The following ZFHX3 variants were observed in gnomAD, a reference collection of about 807,000 sequenced individuals.
The protein encoded by ZFHX3 is zinc finger homeobox protein 3.
A neutral mutation model predicts 279.1 loss-of-function variants in ZFHX3; 42 were observed. The ratio of observed to expected loss-of-function variants is 0.15; its 90% CI spans 0.12 to 0.19. The LOEUF (loss-of-function observed/expected upper bound fraction) is 0.19. ZFHX3 is among the 10% of genes least tolerant of loss of function. ZFHX3 has a pLI of 1.00. For missense variants in ZFHX3, 4,981 were observed against 4,754.0 expected (o/e 1.05, Z -1.40); for synonymous variants, 2,293 against 1,957.8 (o/e 1.17, Z -4.52).
At chr16:73,277,392 C>T (rs1223070243) in intron 4 of ZFHX3, among the ~76,000 whole-genome samples, 1 of 152,206 alleles carries the variant, frequency 6.6e-6, no homozygotes, top group Non-Finnish European at 1.5e-5. Flanking sequence ...CAGGGCCAGG[C>T]TCCCTGGATT....
rs1344909710 is a variant in ZFHX3 at position 73,784,808 on chromosome 16, T to TACAC, written c.-1607-104569_-1607-104568insGTGT. On this transcript the variant is annotated intron_variant, in intron 1 of 17. Coordinates refer to the ZFHX3 transcript ENST00000641206. ...AAATAAAAAAAAAAATATATATATA[T>TACAC]ATATATATACACACACACACACACA... Among the ~76,000 whole-genome samples the TACAC allele has an allele frequency of 6.6e-4, 89 of 135,696 alleles. 1 individual carries two copies. The highest frequency in any genetic ancestry group is 2.4e-3 in the African/African-American group (83 of 35,248). The allele number at this position is 135,696 out of a possible 152,430, so 89.0% of individuals were successfully genotyped here. A position where few individuals can be genotyped will look rare whatever the true frequency, so the allele number is the denominator to read the frequency against.
At chr16:73,200,135 C>T (rs1042348289) in intron 5 of ZFHX3, among the ~76,000 whole-genome samples, 3 of 151,820 alleles carry the variant, frequency 2.0e-5, no homozygotes, top group African/African-American at 4.8e-5. Context: ...TAAAACATAC[C>T]AGTGTTATGA....
intron 2 of ZFHX3, chr16:73,486,773 C>T (rs149876080): frequency 1.1e-5 from 5 of 455,680 alleles, no homozygotes; most frequent in East Asian, 7.0e-5. Context: ...TTGCTTTTAT[C>T]TGCAAATGTT....
intron 6 of ZFHX3, among the ~76,000 whole-genome samples, chr16:73,139,952 A>G (rs962259225): frequency 6.6e-6 from 1 of 152,148 alleles, no homozygotes; most frequent in South Asian, 2.1e-4. Flanking sequence ...TTCTTCCACA[A>G]ACCCCTAGTG....
At chr16:72,803,049 C>T (rs1039521997) in intron 7 of ZFHX3, among the ~76,000 whole-genome samples, 7 of 152,142 alleles carry the variant, frequency 4.6e-5, no homozygotes, top group Admixed American at 3.9e-4. Flanking sequence ...ACCCAGCTGT[C>T]GGCCGGGTGC....
In ZFHX3 at chr16:73,296,978, T is replaced by C. The variant is rs193135935; in HGVS notation, c.-1194+21262A>G. 3.4e-5 allele frequency among the ~76,000 whole-genome samples: 5 copies of C among 147,472 alleles called. 1 individual carries two copies. The highest frequency in any genetic ancestry group is 7.4e-5 in the Non-Finnish European group (5 of 67,592). On this transcript the variant is annotated intron_variant, in intron 4 of 17. Coordinates refer to the ZFHX3 transcript ENST00000641206. ...ACTGCAACTCTGCCTCCCAGGTTCA[T>C]GCCATTCTCCTGCCTCAGCCTCCCT...
At chr16:72,869,433 T>C (rs1231625445) in intron 4 of ZFHX3, among the ~76,000 whole-genome samples, 1 of 152,206 alleles carries the variant, frequency 6.6e-6, no homozygotes, top group African/African-American at 2.4e-5. Context: ...TTTATCATAA[T>C]ACCAACTTTC....
intron 5 of ZFHX3, among the ~76,000 whole-genome samples, chr16:73,146,443 AG>A (rs1966863881): frequency 1.3e-5 from 2 of 151,596 alleles, no homozygotes; most frequent in South Asian, 4.2e-4. Flanking sequence ...AAAAAAAAAA[AG>A]ATCTTCTGAA....
At chr16:73,804,239 C>A (rs1236432096) in intron 1 of ZFHX3, among the ~76,000 whole-genome samples, 1 of 152,140 alleles carries the variant, frequency 6.6e-6, no homozygotes, top group Non-Finnish European at 1.5e-5. Flanking sequence ...CATTAGTTAC[C>A]TTCTATACAC....
At chr16:73,673,503 G>C (rs2052924107) in intron 2 of ZFHX3, among the ~76,000 whole-genome samples, 1 of 152,000 alleles carries the variant, frequency 6.6e-6, no homozygotes, top group African/African-American at 2.4e-5. Flanking sequence ...CAAGAAGTAA[G>C]AGATTCCTTG....
At chr16:72,928,080 G>A (rs890003251) in intron 3 of ZFHX3, among the ~76,000 whole-genome samples, 3 of 131,388 alleles carry the variant, frequency 2.3e-5, no homozygotes, top group Non-Finnish European at 3.3e-5. Flanking sequence ...ACCATTTAGG[G>A]TGCTCAATGA....
At chr16:73,193,393 A>G (rs1968083725) in intron 5 of ZFHX3, among the ~76,000 whole-genome samples, 1 of 152,224 alleles carries the variant, frequency 6.6e-6, no homozygotes, top group African/African-American at 2.4e-5. Flanking sequence ...CTGCCAACAG[A>G]AAGTGCTAGT....
chr16:73,618,632 G>A (rs1293404814), intron 2 of ZFHX3, among the ~76,000 whole-genome samples: 1 of 152,182 alleles, frequency 6.6e-6, no homozygotes, highest in Non-Finnish European at 1.5e-5. Context: ...ACAGATGGCT[G>A]CAACTCCAGC....
chr16:73,380,711 G>A (rs1190394178), intron 3 of ZFHX3, among the ~76,000 whole-genome samples: 1 of 152,200 alleles, frequency 6.6e-6, no homozygotes, highest in Non-Finnish European at 1.5e-5. Context: ...TAATGTAAGA[G>A]GAACTTGAGT....
chr16:72,908,018 T>A (rs980266572), intron 3 of ZFHX3, among the ~76,000 whole-genome samples: 4 of 152,118 alleles, frequency 2.6e-5, no homozygotes, highest in African/African-American at 4.8e-5. Flanking sequence ...TTTCTAAGCA[T>A]CTCACCTCCC....
intron 1 of ZFHX3, among the ~76,000 whole-genome samples, chr16:73,699,920 C>T (rs1459141611): frequency 6.6e-6 from 1 of 152,124 alleles, no homozygotes; most frequent in South Asian, 2.1e-4. Context: ...ATGGCATATA[C>T]TGAACATTAA....
intron 2 of ZFHX3, among the ~76,000 whole-genome samples, chr16:73,676,766 G>C (rs2052958665): frequency 1.3e-5 from 2 of 151,446 alleles, no homozygotes; most frequent in African/African-American, 4.9e-5. Flanking sequence ...TGAGTAAAAA[G>C]ACGAGTGAAC....
At chr16:73,396,482 G>A (rs1380718367) in intron 3 of ZFHX3, among the ~76,000 whole-genome samples, 1 of 151,996 alleles carries the variant, frequency 6.6e-6, no homozygotes, top group Admixed American at 6.5e-5. Context: ...TTTTCACACT[G>A]CTATGAAGAA....
intron 4 of ZFHX3, among the ~76,000 whole-genome samples, chr16:73,285,292 C>G (rs1045783096): frequency 1.3e-5 from 2 of 152,102 alleles, no homozygotes; most frequent in Non-Finnish European, 2.9e-5. Flanking sequence ...CATAACAACT[C>G]GAAGAGATTA....
Sources: gnomAD v4.1 joint callset for allele counts (sites outside exome capture counted in the v4.1 genomes callset) on GRCh38, gnomAD v4.1.1 for gene constraint, MANE v1.5 for transcripts, NCBI Gene and HGNC (gene_info 2026-07-23, HGNC 2026-07-21) for gene names.